The following KHDC4 variants were observed in gnomAD, a reference collection of about 807,000 sequenced individuals.
The protein encoded by KHDC4 is KH domain containing 4, pre-mRNA splicing factor.
In KHDC4, 19 loss-of-function variants were observed where a neutral mutation model predicts 74.5. The ratio of observed to expected loss-of-function variants is 0.26; its 90% CI spans 0.18 to 0.37. The LOEUF is 0.37. Among genes scored for constraint, KHDC4 ranks in the 10% least tolerant of loss-of-function variants. The pLI, the probability that KHDC4 is intolerant of heterozygous loss-of-function variation, is 1.00. For synonymous variants in KHDC4, 253 were observed against 266.1 expected, an observed-to-expected ratio of 0.95 and a Z score of 0.48; for missense variants, 632 against 754.1, an observed-to-expected ratio of 0.84 and a Z score of 1.90.
At chr1:155,932,864 G>A (rs1674169447) in intron 2 of KHDC4, 1 of 152,090 alleles carries the variant, frequency 6.6e-6, no homozygotes, top group African/African-American at 2.4e-5. Context: ...TTGAACCCAG[G>A]AGACAGAGGT....
At chr1:155,930,624 T>C (rs1674121013) in intron 2 of KHDC4, among the ~76,000 whole-genome samples, 1 of 152,178 alleles carries the variant, frequency 6.6e-6, no homozygotes, top group Non-Finnish European at 1.5e-5. Flanking sequence ...TAGGAAGTTG[T>C]CTTTGTGCCA....
At chr1:155,928,845 G>T (rs1274042823) in intron 4 of KHDC4, among the ~76,000 whole-genome samples, 1 of 151,472 alleles carries the variant, frequency 6.6e-6, no homozygotes. Context: ...CCAGCTACTC[G>T]GGAGGCTGAG....
At chr1:155,921,024 A>G (rs193188339) in intron 10 of KHDC4, among the ~76,000 whole-genome samples, 2 of 152,346 alleles carry the variant, frequency 1.3e-5, no homozygotes, top group East Asian at 3.9e-4. Context: ...GGTATTATCC[A>G]CGGGCTGCTT....
Position 155,925,625 on chromosome 1 carries a change from T to A in KHDC4, c.893+7A>T. 1 of 1,611,418 alleles carries A rather than the reference T, an allele frequency of 6.2e-7. No homozygotes were observed. On this transcript the variant is annotated splice_region_variant and intron_variant, in intron 7 of 13. Transcript: ENST00000368321. Reference sequence around the variant, plus strand: ...ATTCACATGTCCCCTGCCCTATCCATCCATACCTGATGTAAATATACATAG... The same window carrying A: ...ATTCACATGTCCCCTGCCCTATCCAACCATACCTGATGTAAATATACATAG...
rs761420227 is a variant in KHDC4 at position 155,926,718 on chromosome 1, C to A, written c.639G>T (p.Gln213His). 1.2e-6 allele frequency: 2 copies of A among 1,614,066 alleles called. No homozygotes were observed. The highest frequency in any genetic ancestry group is 2.2e-5 in the East Asian group (1 of 44,902). Reference sequence around the variant, plus strand: ...GCTTCTGGCTAACAGCTGGAGACAACTGAGCGATGGGTGCTGGCTGGTGAT... The same window carrying A: ...GCTTCTGGCTAACAGCTGGAGACAAATGAGCGATGGGTGCTGGCTGGTGAT... ...TVYHQPAPIA[Q>H]LSPAVSQKPP... The change falls in exon 6 of 14, where the codon CAG (glutamine) becomes CAT (histidine). Residue 213 changes from glutamine to histidine, a missense_variant. Physicochemically the swap from Gln to His is conservative, Grantham distance 24 (BLOSUM62 0). Coordinates refer to ENST00000368321, the MANE Select transcript of KHDC4 (RefSeq NM_014949.4).
rs934425931 is a variant in KHDC4 at position 155,919,668 on chromosome 1, A to G, written c.1266+1707T>C. Among the ~76,000 whole-genome samples, 4 of 152,016 alleles carry G rather than the reference A, an allele frequency of 2.6e-5. 1 individual carries two copies. Among genetic ancestry groups the G allele is most frequent in the African/African-American group, 9.7e-5 (4 of 41,388 alleles). On this transcript the variant is annotated intron_variant, in intron 10 of 13. Coordinates refer to ENST00000368321, the MANE Select transcript of KHDC4 (RefSeq NM_014949.4). Reference sequence around the variant, plus strand: ...CACTAAAAATACAAAACAATTAGCCAGGCATGGTGGCAGGCGCTTGTAGTC... The same window carrying G: ...CACTAAAAATACAAAACAATTAGCCGGGCATGGTGGCAGGCGCTTGTAGTC...
At chr1:155,923,262 G>A (rs1336100469) in intron 8 of KHDC4, among the ~76,000 whole-genome samples, 1 of 151,896 alleles carries the variant, frequency 6.6e-6, no homozygotes, top group African/African-American at 2.4e-5. Flanking sequence ...ATAATCAAAT[G>A]AGCAATCATC....
intron 7 of KHDC4, among the ~76,000 whole-genome samples, chr1:155,924,323 C>T (rs1036236011): frequency 4.0e-5 from 6 of 151,814 alleles, no homozygotes; most frequent in Non-Finnish European, 8.8e-5. Flanking sequence ...CATTCTCCTG[C>T]CTCAGCCCCC....
At chr1:155,917,708 TGA>T in intron 10 of KHDC4, 36 bp from the exon 11 acceptor site, 1 of 1,430,782 alleles carries the variant, frequency 7.0e-7, no homozygotes, top group Non-Finnish European at 9.3e-7. Context: ...AAAAAAAGTG[TGA>T]GAATGCCCAA....
intron 8 of KHDC4, among the ~76,000 whole-genome samples, chr1:155,922,434 C>T (rs974720656): frequency 6.6e-6 from 1 of 152,142 alleles, no homozygotes; most frequent in Non-Finnish European, 1.5e-5. Context: ...CATGAGCCAC[C>T]GTGTCCAACC....
chr1:155,934,329 G>GCCGT lies in KHDC4; in HGVS notation c.38+3_38+6dup. On this transcript the variant is annotated splice_region_variant and intron_variant, in intron 1 of 13. Coordinates refer to ENST00000368321, the MANE Select transcript of KHDC4 (RefSeq NM_014949.4). ...TCGCTCCGATGCCCTCGCCCCTGAA[G>GCCGT]CCGTACCCGCCAGCTCCAGGATGTG... 6.2e-7 allele frequency: 1 copy of GCCGT among 1,608,608 alleles called. No individual in the cohort carries two copies. Among genetic ancestry groups the GCCGT allele is most frequent in the Non-Finnish European group, 8.5e-7 (1 of 1,179,770 alleles).
At chr1:155,916,498 A>C (rs1451432041) in intron 12 of KHDC4, 127 bp downstream of exon 12, 6 of 685,006 alleles carry the variant, frequency 8.8e-6, no homozygotes, top group Non-Finnish European at 1.5e-5. Context: ...CAACAAACAG[A>C]AGCATATTTG....
At chr1:155,934,307 C>T (rs1156682038) in intron 1 of KHDC4, 29 bp downstream of exon 1, 2 of 1,605,676 alleles carry the variant, frequency 1.2e-6, no homozygotes, top group Admixed American at 1.7e-5. Flanking sequence ...CCAGTGCTCG[C>T]TCCGATGCCC....
chr1:155,926,678 C>A lies in KHDC4; in HGVS notation c.679G>T (p.Gly227Trp). The A allele has an allele frequency of 6.2e-7, 1 of 1,614,072 alleles. No homozygotes were observed. The highest frequency in any genetic ancestry group is 2.2e-5 in the East Asian group (1 of 44,884). Residue 227 changes from glycine (G) to tryptophan (W), a missense_variant and splice_region_variant, in exon 6 of 14, where the codon GGG becomes TGG. By Grantham distance (184) the Gly-to-Trp change is radical (BLOSUM62 -2). Transcript: ENST00000368321. The stretch of plus-strand genomic sequence containing the variant: ...AACGATCCCTCCCCAAAACATACCC[C>A]TGACTGGAAGGGAGGCTTCTGGCTA... The part of the protein sequence containing the change: ...AVSQKPPFQS[G>W]MHYVQDKLFV...
At chr1:155,923,392 G>C (rs1251392198) in intron 8 of KHDC4, among the ~76,000 whole-genome samples, 2 of 152,174 alleles carry the variant, frequency 1.3e-5, no homozygotes, top group African/African-American at 2.4e-5. Flanking sequence ...AGAGAGGAAA[G>C]GCATGGGATG....
chr1:155,915,668 C>T (rs567349300), intron 13 of KHDC4: 7 of 493,068 alleles, frequency 1.4e-5, no homozygotes, highest in South Asian at 4.2e-5. Context: ...CCACCATGCC[C>T]GCTAGTTTTT....
chr1:155,922,972 G>A (rs547637594), intron 8 of KHDC4, among the ~76,000 whole-genome samples: 25 of 152,222 alleles, frequency 1.6e-4, no homozygotes, highest in Middle Eastern at 3.4e-3. Flanking sequence ...TTGGGAGGCC[G>A]AGGCAGGCGG....
At chr1:155,917,759 C>A (rs1673762708) in intron 10 of KHDC4, 87 bp from the exon 11 acceptor site, 1 of 1,114,470 alleles carries the variant, frequency 9.0e-7, no homozygotes, top group Admixed American at 3.1e-5. Flanking sequence ...CTTTAAGGAT[C>A]AATAAGTATC....
At chr1:155,930,602 T>C (rs1674120141) in intron 2 of KHDC4, among the ~76,000 whole-genome samples, 1 of 152,160 alleles carries the variant, frequency 6.6e-6, no homozygotes, top group Non-Finnish European at 1.5e-5. Flanking sequence ...TACATATACC[T>C]CATGCATACA....
Sources: gnomAD v4.1 joint callset for allele counts (sites outside exome capture counted in the v4.1 genomes callset) on GRCh38, gnomAD v4.1.1 for gene constraint, MANE v1.5 for transcripts, NCBI Gene and HGNC (gene_info 2026-07-23, HGNC 2026-07-21) for gene names.